The following PKHD1 variants were observed in gnomAD, a reference collection of about 807,000 sequenced individuals.
The protein encoded by PKHD1 is PKHD1 ciliary IPT domain containing fibrocystin/polyductin, also known as fibrocystin.
In PKHD1, 291 loss-of-function variants were observed where a neutral mutation model predicts 412.0. The ratio of observed to expected loss-of-function variants is 0.71; its 90% CI spans 0.64 to 0.78. PKHD1 has a LOEUF of 0.78. PKHD1 is among the 30% of genes least tolerant of loss of function. The pLI, the probability that PKHD1 is intolerant of heterozygous loss-of-function variation, is 0.00. For missense variants in PKHD1, 4,825 were observed against 4,950.7 expected, an observed-to-expected ratio of 0.97 and a Z score of 0.76; for synonymous variants, 1,777 against 1,821.5, an observed-to-expected ratio of 0.98 and a Z score of 0.62.
At chr6:52,032,781 T>C (rs1030915487) in intron 29 of PKHD1, among the ~76,000 whole-genome samples, 6 of 152,220 alleles carry the variant, frequency 3.9e-5, no homozygotes, top group South Asian at 2.1e-4. Context: ...TTTTGAATTG[T>C]AACTTTTGAA....
chr6:51,638,998 A>G, intron 63 of PKHD1, 42 bp from the exon 64 acceptor site: 1 of 1,310,328 alleles, frequency 7.6e-7, no homozygotes, highest in Non-Finnish European at 1.1e-6. Context: ...TTTATTATCT[A>G]ATCTCGAACA....
chr6:51,914,249 A>G lies in PKHD1; in HGVS notation c.6122-1673T>C, dbSNP rs572849441. 4.3e-4 allele frequency among the ~76,000 whole-genome samples: 66 copies of G among 152,294 alleles called. 1 individual carries two copies. Among genetic ancestry groups the G allele is most frequent in the Middle Eastern group, 3.4e-3 (1 of 294 alleles). On this transcript the variant is annotated intron_variant, in intron 37 of 66. Transcript: ENST00000371117. ...CTCCTATAAATAATGGTCAACTCTG[A>G]ATGGATGAAAAAATTCACAGATAAT...
At chr6:52,016,635 C>CAAA (rs10579713) in intron 34 of PKHD1, among the ~76,000 whole-genome samples, 3 of 118,916 alleles carry the variant, frequency 2.5e-5, no homozygotes, top group Middle Eastern at 3.9e-3. Context: ...GACTCTGTCT[C>CAAA]AAAAAAAAAA....
chr6:51,686,860 T>A (rs888943955), intron 60 of PKHD1, among the ~76,000 whole-genome samples: 18 of 152,222 alleles, frequency 1.2e-4, no homozygotes, highest in African/African-American at 4.1e-4. Flanking sequence ...GTTGAAACTA[T>A]GATCTACTCA....
intron 63 of PKHD1, among the ~76,000 whole-genome samples, chr6:51,642,326 T>G (rs975463018): frequency 2.6e-5 from 4 of 152,068 alleles, no homozygotes; most frequent in Non-Finnish European, 2.9e-5. Context: ...GTACAGAATA[T>G]AAGTAAGTAA....
chr6:51,738,302 T>A (rs1784117206), intron 60 of PKHD1, among the ~76,000 whole-genome samples: 1 of 152,004 alleles, frequency 6.6e-6, no homozygotes, highest in Admixed American at 6.6e-5. Context: ...TATATAGAAA[T>A]AGGAAATAAA....
rs765949598 is a variant in PKHD1 at position 51,934,067 on chromosome 6, A to G, written c.6121+43T>C. On this transcript the variant is annotated intron_variant, in intron 37 of 66. Transcript: ENST00000371117. Reference sequence around the variant, plus strand: ...CAGTTTTATCAGTTTCCACTGCTAGACACAGCTCTACTTCATTTCCTCTGA... The same window carrying G: ...CAGTTTTATCAGTTTCCACTGCTAGGCACAGCTCTACTTCATTTCCTCTGA... The G allele has an allele frequency of 2.1e-6, 3 of 1,450,108 alleles. No individual in the cohort carries two copies. The South Asian group carries it at 3.4e-5, about 17-fold the overall frequency. 89.8% of individuals were successfully genotyped at this position (1,450,108 alleles called of 1,614,324 possible).
Position 52,056,999 on chromosome 6 carries a change from C to T in PKHD1, c.1513-20G>A, listed in dbSNP as rs778163966. The T allele has an allele frequency of 6.5e-6, 10 of 1,529,392 alleles. No individual in the cohort carries two copies. Among genetic ancestry groups the T allele is most frequent in the Non-Finnish European group, 9.1e-6 (10 of 1,102,788 alleles). The allele number at this position is 1,529,392 out of a possible 1,614,324, so 94.7% of individuals were successfully genotyped here. A position where few individuals can be genotyped will look rare whatever the true frequency, so the allele number is the denominator to read the frequency against. On this transcript the variant is annotated intron_variant, in intron 16 of 66. Transcript: ENST00000371117. ...CAGCACCTAAAAAAGTCAAGACAGA[C>T]AAGACTAAATGATGGTGCTAATTAA...
intron 64 of PKHD1, among the ~76,000 whole-genome samples, chr6:51,635,876 C>CGGGGGGGGGGTT (rs1581768607): frequency 2.4e-5 from 1 of 41,506 alleles, no homozygotes; most frequent in Non-Finnish European, 5.3e-5. Context: ...GGCGGGGGGC[C>CGGGGGGGGGGTT]GGGGGCGGAT....
In PKHD1 at chr6:51,993,690, G is replaced by T. The variant is rs558863159; in HGVS notation, c.5751+16619C>A. Among the ~76,000 whole-genome samples, 4 of 152,294 alleles carry T rather than the reference G, an allele frequency of 2.6e-5. No homozygotes were observed. The East Asian group carries it at 7.7e-4, about 29-fold the overall frequency. On this transcript the variant is annotated intron_variant, in intron 35 of 66. Transcript: ENST00000371117. The stretch of plus-strand genomic sequence containing the variant: ...ATCTCCTTCCTTAAAGGATCTCAAA[G>T]CACTTTTACAAACACTTTTAAAGAA...
At chr6:51,883,264 C>G (rs754949961) in intron 45 of PKHD1, 37 bp from the exon 46 acceptor site, 1 of 1,592,314 alleles carries the variant, frequency 6.3e-7, no homozygotes, top group South Asian at 1.1e-5. Flanking sequence ...AGGTCTGAGG[C>G]TTGGTTTTTC....
chr6:51,779,592 C>T (rs1157333262), intron 53 of PKHD1, among the ~76,000 whole-genome samples: 1 of 151,936 alleles, frequency 6.6e-6, no homozygotes, highest in Non-Finnish European at 1.5e-5. Context: ...TTTTACCAAC[C>T]CTCCTGGAGA....
At chr6:52,084,376 CA>C (rs1408359817) in intron 2 of PKHD1, among the ~76,000 whole-genome samples, 1 of 152,132 alleles carries the variant, frequency 6.6e-6, no homozygotes, top group Non-Finnish European at 1.5e-5. Context: ...AGCCCCAAAA[CA>C]AAGGCCATAA....
intron 50 of PKHD1, among the ~76,000 whole-genome samples, chr6:51,837,903 A>G (rs1393299511): frequency 6.6e-6 from 1 of 152,068 alleles, no homozygotes; most frequent in Non-Finnish European, 1.5e-5. Flanking sequence ...ACATGTTGAG[A>G]CCTGGTACAA....
chr6:51,751,035 C>T (rs1398403276), intron 57 of PKHD1, among the ~76,000 whole-genome samples: 1 of 152,136 alleles, frequency 6.6e-6, no homozygotes, highest in Non-Finnish European at 1.5e-5. Flanking sequence ...CTTCAGCCTC[C>T]CAAAGTGCTA....
chr6:51,989,871 A>G, intron 35 of PKHD1, among the ~76,000 whole-genome samples: 1 of 61,170 alleles, frequency 1.6e-5, no homozygotes, highest in Non-Finnish European at 3.6e-5. Context: ...GAGGGAGGAA[A>G]CAAGGGAGAA....
intron 23 of PKHD1, among the ~76,000 whole-genome samples, chr6:52,046,799 T>C (rs1290552882): frequency 1.3e-5 from 2 of 152,238 alleles, no homozygotes; most frequent in Admixed American, 1.3e-4. Context: ...CCCATTTCAT[T>C]AGCTGCTCCC....
At chr6:52,056,438 A>C (rs998476675) in intron 18 of PKHD1, among the ~76,000 whole-genome samples, 1 of 152,030 alleles carries the variant, frequency 6.6e-6, no homozygotes, top group Admixed American at 6.6e-5. Flanking sequence ...ACCGTGTGGC[A>C]TGGGGAGTAT....
intron 35 of PKHD1, among the ~76,000 whole-genome samples, chr6:51,989,925 A>AGGGAGGGAGGG (rs1414458188): frequency 4.7e-5 from 5 of 106,718 alleles, no homozygotes; most frequent in Non-Finnish European, 6.0e-5. Context: ...GGAAGGAAGG[A>AGGGAGGGAGGG]AGGAAGGAAA....
Sources: gnomAD v4.1 joint callset for allele counts (sites outside exome capture counted in the v4.1 genomes callset) on GRCh38, gnomAD v4.1.1 for gene constraint, MANE v1.5 for transcripts, NCBI Gene and HGNC (gene_info 2026-07-23, HGNC 2026-07-21) for gene names.